Variants in CHCHD3 observed in about 807,000 individuals in gnomAD.
CHCHD3 encodes the protein MICOS complex subunit MIC19.
In CHCHD3, 20 loss-of-function variants were observed where a neutral mutation model predicts 38.2. The observed-to-expected ratio is 0.52, with a 90% CI of 0.37 to 0.76. The LOEUF is 0.76. CHCHD3 is among the 30% of genes least tolerant of loss of function. CHCHD3 has a pLI of 0.00. For synonymous variants in CHCHD3, 82 were observed against 100.0 expected (o/e 0.82, Z 1.07); for missense variants, 245 against 279.2 (o/e 0.88, Z 0.87).
intron 3 of CHCHD3, among the ~76,000 whole-genome samples, chr7:133,004,377 T>C (rs918642822): frequency 2.0e-5 from 3 of 152,218 alleles, no homozygotes; most frequent in East Asian, 1.9e-4. Flanking sequence ...AGGAGGAGCA[T>C]ACCAGAGTGG....
intron 5 of CHCHD3, among the ~76,000 whole-genome samples, chr7:132,881,653 A>G (rs1171918859): frequency 6.6e-6 from 1 of 152,206 alleles, no homozygotes; most frequent in Non-Finnish European, 1.5e-5. Flanking sequence ...GCTTATGTCC[A>G]CTTTTAAACC....
In CHCHD3 at chr7:133,033,591, T is replaced by C. The variant is rs1377822490; in HGVS notation, c.170-8964A>G. On this transcript the variant is annotated intron_variant, in intron 2 of 7. Coordinates refer to ENST00000262570, the MANE Select transcript of CHCHD3 (RefSeq NM_017812.4). ...AAAAGTGGGAAATCTAGCTATTTTA[T>C]GGTTTGTATGACCACAGATAGATAG... is the stretch of plus-strand genomic sequence containing the variant. 7.9e-5 allele frequency among the ~76,000 whole-genome samples: 12 copies of C among 152,354 alleles called. No homozygotes were observed. The East Asian group carries it at 9.6e-4, about 12-fold the overall frequency.
chr7:132,816,436 GAC>G (rs201139596), intron 6 of CHCHD3, among the ~76,000 whole-genome samples: 2,443 of 152,230 alleles, frequency 0.016, 57 homozygotes, highest in African/African-American at 0.055. Context: ...AAAGTTTTAT[GAC>G]AGTCACTAGA....
chr7:133,024,995 T>C (rs1201243868), intron 2 of CHCHD3, among the ~76,000 whole-genome samples: 1 of 152,150 alleles, frequency 6.6e-6, no homozygotes, highest in Non-Finnish European at 1.5e-5. Context: ...AAAGGGACTT[T>C]GGAGAAGAAA....
chr7:132,911,943 C>G (rs1352763680), intron 4 of CHCHD3, among the ~76,000 whole-genome samples: 1 of 152,206 alleles, frequency 6.6e-6, no homozygotes, highest in East Asian at 1.9e-4. Context: ...TCTATGCCCT[C>G]TTATCCCCTC....
intron 4 of CHCHD3, among the ~76,000 whole-genome samples, chr7:132,967,734 G>A (rs1323722231): frequency 6.6e-6 from 1 of 151,678 alleles, no homozygotes; most frequent in Non-Finnish European, 1.5e-5. Flanking sequence ...GGAGGTTGAG[G>A]TGGGAGGATC....
intron 6 of CHCHD3, among the ~76,000 whole-genome samples, chr7:132,808,842 G>A (rs932954132): frequency 2.7e-5 from 4 of 150,148 alleles, no homozygotes; most frequent in Non-Finnish European, 4.4e-5. Context: ...CCACTAACTC[G>A]TCATCTAGCA....
At chr7:133,047,834 T>A (rs1464988332) in intron 2 of CHCHD3, among the ~76,000 whole-genome samples, 3 of 152,172 alleles carry the variant, frequency 2.0e-5, no homozygotes, top group African/African-American at 7.2e-5. Flanking sequence ...ATGCCTGTAA[T>A]CCCAGCACTT....
intron 2 of CHCHD3, among the ~76,000 whole-genome samples, chr7:133,069,883 T>C (rs1814768676): frequency 6.6e-6 from 1 of 152,192 alleles, no homozygotes; most frequent in South Asian, 2.1e-4. Flanking sequence ...CAAAAAGATA[T>C]GAAGTAACTT....
chr7:132,959,107 A>G (rs1187587125), intron 4 of CHCHD3, among the ~76,000 whole-genome samples: 2 of 152,242 alleles, frequency 1.3e-5, no homozygotes, highest in African/African-American at 4.8e-5. Context: ...GCCATGCCAA[A>G]TGAGTGAAAA....
At chr7:132,860,061 G>A (rs1343818302) in intron 5 of CHCHD3, among the ~76,000 whole-genome samples, 5 of 152,034 alleles carry the variant, frequency 3.3e-5, no homozygotes, top group Non-Finnish European at 5.9e-5. Flanking sequence ...GCTTGGGCCC[G>A]GGAGTTCAAG....
At chr7:132,867,391 C>A (rs1808660175) in intron 5 of CHCHD3, among the ~76,000 whole-genome samples, 1 of 152,060 alleles carries the variant, frequency 6.6e-6, no homozygotes, top group African/African-American at 2.4e-5. Context: ...CTTTTTAAAG[C>A]TTTATAAAAG....
chr7:133,035,667 C>G lies in CHCHD3; in HGVS notation c.170-11040G>C, dbSNP rs999932071. ...GGCTGCTGCCTCTGGAGTACTTCCC[C>G]GCAGCTCCTCATTGCTCACATAGTA... On this transcript the variant is annotated intron_variant, in intron 2 of 7. Transcript: ENST00000262570. This position sits in a 1 kb window ranked among gnomAD's most constrained non-coding sequence, Gnocchi z 4.7. The G allele has an allele frequency of 5.0e-6, 8 of 1,612,206 alleles. No individual in the cohort carries two copies. The highest frequency in any genetic ancestry group is 2.2e-5 in the East Asian group (1 of 44,794).
intron 3 of CHCHD3, among the ~76,000 whole-genome samples, chr7:133,018,297 CT>C (rs1174740550): frequency 1.3e-5 from 2 of 152,296 alleles, no homozygotes; most frequent in Non-Finnish European, 2.9e-5. Context: ...TAGGTTACAC[CT>C]GGACATCAGC....
chr7:132,843,884 C>T (rs1808004012), intron 5 of CHCHD3, among the ~76,000 whole-genome samples: 2 of 152,200 alleles, frequency 1.3e-5, no homozygotes, highest in African/African-American at 4.8e-5. Context: ...AAATAAGGAA[C>T]AACCACATTC....
At chr7:132,895,095 T>C (rs1444885387) in intron 4 of CHCHD3, among the ~76,000 whole-genome samples, 1 of 152,160 alleles carries the variant, frequency 6.6e-6, no homozygotes, top group Non-Finnish European at 1.5e-5. Context: ...ATCAGTAAAA[T>C]GAGAGCTCTC....
At chr7:132,851,035 G>A (rs1442819258) in intron 5 of CHCHD3, among the ~76,000 whole-genome samples, 1 of 152,130 alleles carries the variant, frequency 6.6e-6, no homozygotes, top group African/African-American at 2.4e-5. Context: ...AGGAATAAGA[G>A]GAACCTACCA....
At chr7:132,965,321 T>A (rs986132258) in intron 4 of CHCHD3, among the ~76,000 whole-genome samples, 1 of 152,172 alleles carries the variant, frequency 6.6e-6, no homozygotes, top group African/African-American at 2.4e-5. Context: ...CCTGGCTCTA[T>A]CTCTGTGCAA....
intron 4 of CHCHD3, among the ~76,000 whole-genome samples, chr7:132,946,849 T>C (rs1215460309): frequency 6.6e-6 from 1 of 151,934 alleles, no homozygotes; most frequent in Non-Finnish European, 1.5e-5. Flanking sequence ...AAGAAATATC[T>C]AAATTTTATA....
Sources: gnomAD v4.1 joint callset for allele counts (sites outside exome capture counted in the v4.1 genomes callset) on GRCh38, gnomAD v4.1.1 for gene constraint, Gnocchi (gnomAD v3.1) non-coding constraint, MANE v1.5 for transcripts, NCBI Gene and HGNC (gene_info 2026-07-23, HGNC 2026-07-21) for gene names.